The following ADAMTS2 variants were observed in gnomAD, a reference collection of about 807,000 sequenced individuals.
The protein encoded by ADAMTS2 is ADAM metallopeptidase with thrombospondin type 1 motif 2, also known as A disintegrin and metalloproteinase with thrombospondin motifs 2.
ADAMTS2 carries 50 observed loss-of-function variants against 123.0 expected under a neutral mutation model. That is an observed-to-expected ratio of 0.41 (90% CI 0.32 to 0.51). ADAMTS2 has a LOEUF of 0.51. ADAMTS2 is among the 20% of genes least tolerant of loss of function. The probability of loss-of-function intolerance (pLI) is 0.35; values close to 1 mark genes in which losing one functional copy is unlikely to be tolerated. For synonymous variants in ADAMTS2, 678 were observed against 695.4 expected (o/e 0.98, Z 0.39); for missense variants, 1,494 against 1,705.2 (o/e 0.88, Z 2.18).
chr5:179,128,043 C>T lies in ADAMTS2; in HGVS notation c.2533G>A (p.Asp845Asn), dbSNP rs76488852. The T allele has an allele frequency of 4.3e-6, 7 of 1,613,978 alleles. No individual in the cohort carries two copies. Among genetic ancestry groups the T allele is most frequent in the African/African-American group, 1.3e-5 (1 of 75,036 alleles). The part of the protein sequence containing the change: ...MIHEDSLNVD[D>N]NNVLEEDSVV... ...GAGTCCTCTTCCAGGACGTTGTTGT[C>T]GTCGACATTCAGTGAGTCCTCATGG... The change falls in exon 17 of 22, where the codon GAC (aspartate) becomes AAC (asparagine). Residue 845 changes from aspartate to asparagine, a missense_variant. This residue lies in a region of ADAMTS2 where 953 missense variants were observed against 1,124.7 expected (regional missense o/e 0.85). Coordinates refer to ENST00000251582, the MANE Select transcript of ADAMTS2 (RefSeq NM_014244.5). This position sits in a 1 kb window ranked among gnomAD's most constrained non-coding sequence, Gnocchi z 4.9.
Position 179,122,585 on chromosome 5 carries a change from C to T in ADAMTS2, c.3088+59G>A, listed in dbSNP as rs564326576. 2.6e-6 allele frequency: 4 copies of T among 1,538,712 alleles called. No individual in the cohort carries two copies. The Admixed American group carries it at 5.9e-5, about 23-fold the overall frequency. On this transcript the variant is annotated intron_variant, in intron 20 of 21. Coordinates refer to ENST00000251582, the MANE Select transcript of ADAMTS2 (RefSeq NM_014244.5). ...AGATTTGCCTGAACCAAGCCTCTGA[C>T]ACCCCCGCCCTGGGCTGCTGCATGC...
intron 2 of ADAMTS2, among the ~76,000 whole-genome samples, chr5:179,319,645 A>G (rs190125489): frequency 2.8e-4 from 42 of 151,982 alleles, no homozygotes; most frequent in South Asian, 2.7e-3. Flanking sequence ...CCTTTTGCTT[A>G]TTGTATGTCT....
At chr5:179,192,600 C>T (rs1764331379) in intron 4 of ADAMTS2, among the ~76,000 whole-genome samples, 1 of 152,248 alleles carries the variant, frequency 6.6e-6, no homozygotes, top group Non-Finnish European at 1.5e-5. Context: ...CACTTCTGCT[C>T]AGGATCAGAA....
chr5:179,278,918 G>A (rs1766816745), intron 2 of ADAMTS2, among the ~76,000 whole-genome samples: 1 of 151,242 alleles, frequency 6.6e-6, no homozygotes, highest in African/African-American at 2.4e-5. Context: ...GCAACTAGAT[G>A]TTAAAAATTT....
At chr5:179,176,415 C>T (rs369752080) in intron 5 of ADAMTS2, among the ~76,000 whole-genome samples, 39 of 152,286 alleles carry the variant, frequency 2.6e-4, no homozygotes, top group African/African-American at 8.7e-4. Context: ...TGGCCTCCTC[C>T]GCTGGGATGG....
chr5:179,184,145 C>A (rs996567522), intron 4 of ADAMTS2, among the ~76,000 whole-genome samples: 1 of 152,200 alleles, frequency 6.6e-6, no homozygotes, highest in East Asian at 1.9e-4. Context: ...CCACCTCCCA[C>A]AGGCCAGACT....
At chr5:179,138,083 G>T in intron 11 of ADAMTS2, 139 bp from the exon 12 acceptor site, 1 of 944,910 alleles carries the variant, frequency 1.1e-6, no homozygotes, top group Non-Finnish European at 1.6e-6. Flanking sequence ...AAGGGACCTT[G>T]CCCTGCCATG....
At chr5:179,139,832 GTCTC>G in intron 11 of ADAMTS2, 54 bp downstream of exon 11, 1 of 1,606,726 alleles carries the variant, frequency 6.2e-7, no homozygotes, top group Non-Finnish European at 8.5e-7. Context: ...GCTGGAGAGG[GTCTC>G]CTGGACCCTC....
At position 179,312,217 on chromosome 5, in the gene ADAMTS2, G is replaced by A. The variant is rs1030074379; in HGVS notation, c.534+31550C>T. On this transcript the variant is annotated intron_variant, in intron 2 of 21. Transcript: ENST00000251582. The surrounding 1 kb of genome is among the most constrained non-coding windows in gnomAD (Gnocchi z 4.2). ...TAGATGCGGTGAGTCCAAGGATCCTGAGATGGAGTGACTGCTGGATTTTCC... is the reference window on the plus strand; with the variant it reads ...TAGATGCGGTGAGTCCAAGGATCCTAAGATGGAGTGACTGCTGGATTTTCC... Among the ~76,000 whole-genome samples the A allele has an allele frequency of 5.3e-5, 8 of 152,184 alleles. No individual in the cohort carries two copies. Among genetic ancestry groups the A allele is most frequent in the African/African-American group, 1.9e-4 (8 of 41,438 alleles).
At chr5:179,333,629 C>A (rs968984837) in intron 2 of ADAMTS2, among the ~76,000 whole-genome samples, 1 of 123,656 alleles carries the variant, frequency 8.1e-6, no homozygotes, top group African/African-American at 3.0e-5. Context: ...TAGACAGAGT[C>A]TCACTCTGCT....
chr5:179,124,410 C>T (rs1267658581), intron 19 of ADAMTS2, among the ~76,000 whole-genome samples: 1 of 152,166 alleles, frequency 6.6e-6, no homozygotes, highest in Non-Finnish European at 1.5e-5. Context: ...CTCTTCTCCC[C>T]TCCTGCGAGT....
intron 2 of ADAMTS2, among the ~76,000 whole-genome samples, chr5:179,289,642 GA>G (rs1207236744): frequency 6.6e-6 from 1 of 152,164 alleles, no homozygotes; most frequent in African/African-American, 2.4e-5. Flanking sequence ...TCTGAGACCT[GA>G]AAAAACCTCA....
intron 20 of ADAMTS2, among the ~76,000 whole-genome samples, chr5:179,122,102 G>A (rs940816242): frequency 2.0e-5 from 3 of 152,158 alleles, no homozygotes; most frequent in Non-Finnish European, 2.9e-5. Context: ...GACAGAGAGT[G>A]CCAGGGGAAT....
chr5:179,229,123 T>C (rs1390936425), intron 3 of ADAMTS2, among the ~76,000 whole-genome samples: 23 of 152,132 alleles, frequency 1.5e-4, no homozygotes, highest in Admixed American at 1.5e-3. Context: ...GTAAGACACA[T>C]AGAAAACCTG....
intron 10 of ADAMTS2, among the ~76,000 whole-genome samples, chr5:179,148,496 G>T (rs1186887686): frequency 6.6e-6 from 1 of 152,152 alleles, no homozygotes; most frequent in Non-Finnish European, 1.5e-5. Flanking sequence ...CGCTGGCCGA[G>T]CCCTCTGCTG....
chr5:179,253,387 T>A (rs1377561801), intron 3 of ADAMTS2, among the ~76,000 whole-genome samples: 2 of 152,166 alleles, frequency 1.3e-5, no homozygotes, highest in Non-Finnish European at 2.9e-5. Flanking sequence ...CTCAGGCCTA[T>A]AATCCCAGCA....
intron 12 of ADAMTS2, among the ~76,000 whole-genome samples, chr5:179,136,475 G>A (rs866062738): frequency 6.6e-6 from 1 of 151,716 alleles, no homozygotes; most frequent in Non-Finnish European, 1.5e-5. Context: ...AGACCAGCCT[G>A]GCCAACATGG....
At chr5:179,323,514 G>T (rs1581275846) in intron 2 of ADAMTS2, among the ~76,000 whole-genome samples, 1 of 152,246 alleles carries the variant, frequency 6.6e-6, no homozygotes, top group Admixed American at 6.5e-5. Flanking sequence ...GTTGGGACCT[G>T]TCACTGCCCT....
intron 3 of ADAMTS2, among the ~76,000 whole-genome samples, chr5:179,247,101 G>A (rs924857544): frequency 6.6e-6 from 1 of 152,152 alleles, no homozygotes; most frequent in Non-Finnish European, 1.5e-5. Flanking sequence ...TGTCTTAAAT[G>A]TGTTCAAAGA....
Sources: allele counts gnomAD v4.1 joint callset (sites outside exome capture counted in the v4.1 genomes callset), GRCh38; gene constraint gnomAD v4.1.1; regional missense constraint gnomAD v4.1.1; non-coding constraint Gnocchi (gnomAD v3.1); transcripts MANE v1.5; gene names NCBI Gene and HGNC (gene_info 2026-07-23, HGNC 2026-07-21).